Variants in CD109 observed in about 807,000 individuals in gnomAD.
The protein encoded by CD109 is CD109 antigen.
A neutral mutation model predicts 165.8 loss-of-function variants in CD109; 149 were observed. That is an observed-to-expected ratio of 0.90 (90% CI 0.79 to 1.03). The LOEUF is 1.03. CD109 is among the 50% of genes least tolerant of loss of function. The pLI, the probability that CD109 is intolerant of heterozygous loss-of-function variation, is 0.00. For synonymous variants in CD109, 585 were observed against 592.1 expected (o/e 0.99, Z 0.18); for missense variants, 1,712 against 1,677.8 (o/e 1.02, Z -0.36).
chr6:73,713,606 T>C (rs1771613359), intron 2 of CD109, among the ~76,000 whole-genome samples: 2 of 152,114 alleles, frequency 1.3e-5, no homozygotes, highest in Non-Finnish European at 2.9e-5. Flanking sequence ...TGTGAACAGA[T>C]AAGGTCATGT....
Position 73,766,212 on chromosome 6 carries a change from T to C in CD109, c.1332+58T>C, listed in dbSNP as rs150652999. The C allele has an allele frequency of 2.3e-4, 320 of 1,361,962 alleles. 2 individuals carry two copies. In the East Asian group the frequency reaches 7.4e-3, roughly 32 times the overall value. The allele number at this position is 1,361,962 out of a possible 1,614,324, so 84.4% of individuals were successfully genotyped here. A position where few individuals can be genotyped will look rare whatever the true frequency, so the allele number is the denominator to read the frequency against. The stretch of plus-strand genomic sequence containing the variant: ...AACAACACCATTACAGTTGTAATCT[T>C]GTGGTAGGCACTCAACCTGTCAGAA... On this transcript the variant is annotated intron_variant, in intron 11 of 32. Coordinates refer to ENST00000287097, the MANE Select transcript of CD109 (RefSeq NM_133493.5).
At chr6:73,714,239 G>A (rs952711194) in intron 2 of CD109, among the ~76,000 whole-genome samples, 3 of 152,168 alleles carry the variant, frequency 2.0e-5, no homozygotes, top group Non-Finnish European at 2.9e-5. Context: ...TGTTGTGCCC[G>A]ACTGCCTTCA....
chr6:73,708,112 TA>T (rs1432373732), intron 2 of CD109, among the ~76,000 whole-genome samples: 1 of 151,738 alleles, frequency 6.6e-6, no homozygotes, highest in Non-Finnish European at 1.5e-5. Flanking sequence ...ACGCGTCACT[TA>T]CATTAGGTGT....
At chr6:73,781,825 A>ACG (rs1562064689) in intron 17 of CD109, among the ~76,000 whole-genome samples, 1 of 125,666 alleles carries the variant, frequency 8.0e-6, no homozygotes, top group Non-Finnish European at 1.7e-5. Flanking sequence ...AGACACACAC[A>ACG]CACACACACA....
chr6:73,711,063 A>G (rs996852125), intron 2 of CD109, among the ~76,000 whole-genome samples: 1 of 152,242 alleles, frequency 6.6e-6, no homozygotes, highest in African/African-American at 2.4e-5. Context: ...TACAAAAAAC[A>G]GGCGTGGGCC....
At chr6:73,778,688 T>C (rs1582144461) in intron 15 of CD109, among the ~76,000 whole-genome samples, 1 of 152,178 alleles carries the variant, frequency 6.6e-6, no homozygotes, top group Non-Finnish European at 1.5e-5. Flanking sequence ...TGTTTTCTTA[T>C]TGGTGCCTGT....
At chr6:73,782,856 A>T in intron 18 of CD109, 101 bp downstream of exon 18, 10 of 1,086,676 alleles carry the variant, frequency 9.2e-6, no homozygotes, top group Non-Finnish European at 1.3e-5. Context: ...ACATAGTGTA[A>T]CTAAGAACTA....
chr6:73,754,035 T>C (rs1309053470), intron 5 of CD109, among the ~76,000 whole-genome samples: 2 of 152,174 alleles, frequency 1.3e-5, no homozygotes, highest in African/African-American at 4.8e-5. Flanking sequence ...TTAGGCAAGA[T>C]GATTGAGTTA....
chr6:73,761,017 ACACACACACAC>A (rs1773603879), intron 7 of CD109, among the ~76,000 whole-genome samples: 3 of 1,284 alleles, frequency 2.3e-3, no homozygotes, highest in Admixed American at 0.011. Context: ...GTGTCTAAAC[ACACACACACAC>A]ACACACACAC....
the CD109 span, among the ~76,000 whole-genome samples, chr6:73,685,657 G>T: frequency 6.6e-6 from 1 of 152,116 alleles, no homozygotes; most frequent in African/African-American, 2.4e-5. Context: ...TACAAGCAGT[G>T]CACACACTGT....
chr6:73,778,802 T>G (rs191690024), intron 15 of CD109, among the ~76,000 whole-genome samples: 1 of 151,888 alleles, frequency 6.6e-6, no homozygotes, highest in Non-Finnish European at 1.5e-5. Flanking sequence ...TTCAACTTAG[T>G]TTTTTTTGTG....
rs752186860 is a variant in CD109, at chr6:73,811,162, C to A, written c.3702+15C>A. 6.2e-7 allele frequency: 1 copy of A among 1,606,022 alleles called. No homozygotes were observed. Among genetic ancestry groups the A allele is most frequent in the Non-Finnish European group, 8.5e-7 (1 of 1,177,174 alleles). On this transcript the variant is annotated intron_variant, in intron 28 of 32. Transcript: ENST00000287097. ...AGACAGCAGAGGTGTGGGCAAGGGG[C>A]AGTTATTTAAAAATCAGTGTAGACA...
chr6:73,730,103 G>A (rs1772302975), intron 3 of CD109, among the ~76,000 whole-genome samples: 1 of 152,194 alleles, frequency 6.6e-6, no homozygotes, highest in Non-Finnish European at 1.5e-5. Context: ...CTCCTGCTGA[G>A]GGAGAGCAGT....
chr6:73,742,434 C>T (rs548967858), intron 5 of CD109, among the ~76,000 whole-genome samples: 14 of 152,172 alleles, frequency 9.2e-5, no homozygotes, highest in African/African-American at 2.9e-4. Flanking sequence ...AAATTATATT[C>T]GAGGTTATTA....
intron 13 of CD109, 91 bp from the exon 14 acceptor site, chr6:73,767,964 G>T: frequency 9.7e-7 from 1 of 1,033,694 alleles, no homozygotes; most frequent in Non-Finnish European, 1.5e-6. Flanking sequence ...TCAAGAATTT[G>T]TGTGTATGCA....
At chr6:73,688,543 TGA>T in the CD109 span, among the ~76,000 whole-genome samples, 8 of 152,128 alleles carry the variant, frequency 5.3e-5, no homozygotes, top group Non-Finnish European at 1.0e-4. Flanking sequence ...TTCTGTGCGA[TGA>T]GAGAGTCTTT....
chr6:73,785,889 G>C (rs1369131043), intron 20 of CD109, among the ~76,000 whole-genome samples: 1 of 149,532 alleles, frequency 6.7e-6, no homozygotes, highest in African/African-American at 2.5e-5. Flanking sequence ...CTGTTGCCCA[G>C]GCTGGAGTGC....
chr6:73,821,355 C>A (rs1345071561), intron 32 of CD109, among the ~76,000 whole-genome samples: 1 of 152,180 alleles, frequency 6.6e-6, no homozygotes, highest in Non-Finnish European at 1.5e-5. Context: ...TTTGACCCCA[C>A]AATCCCGTTA....
At chr6:73,808,672 A>G (rs1171629397) in intron 26 of CD109, among the ~76,000 whole-genome samples, 1 of 152,182 alleles carries the variant, frequency 6.6e-6, no homozygotes, top group Non-Finnish European at 1.5e-5. Context: ...AAATGAGATA[A>G]TGTGCAATGC....
Sources: gnomAD v4.1 joint callset for allele counts (sites outside exome capture counted in the v4.1 genomes callset) on GRCh38, gnomAD v4.1.1 for gene constraint, MANE v1.5 for transcripts, NCBI Gene and HGNC (gene_info 2026-07-23, HGNC 2026-07-21) for gene names.